PDE4D: variants seen among roughly 807,000 people sequenced by gnomAD.
The protein encoded by PDE4D is 3',5'-cyclic-AMP phosphodiesterase 4D.
Under a neutral mutation model 87.4 loss-of-function variants are expected in PDE4D, and 24 were observed. The observed-to-expected ratio is 0.27, with a 90% CI of 0.20 to 0.39. The LOEUF (loss-of-function observed/expected upper bound fraction) is 0.39. Ranked by LOEUF, PDE4D falls within the 10% of genes least tolerant of loss-of-function variation. The pLI is 1.00. For synonymous variants in PDE4D, 384 were observed against 383.2 expected (o/e 1.00, Z -0.02); for missense variants, 714 against 1,041.0 (o/e 0.69, Z 4.32).
chr5:59,808,886 A>G (rs1289961922), intron 1 of PDE4D, among the ~76,000 whole-genome samples: 2 of 152,020 alleles, frequency 1.3e-5, no homozygotes, highest in African/African-American at 4.8e-5. Context: ...GCTAGCACCA[A>G]CACTACTGTC....
At chr5:59,821,724 G>T (rs1486062333) in intron 1 of PDE4D, among the ~76,000 whole-genome samples, 1 of 152,108 alleles carries the variant, frequency 6.6e-6, no homozygotes, top group African/African-American at 2.4e-5. Context: ...GTTAGCAATT[G>T]GCTCTAGAGG....
chr5:60,338,016 T>A (rs778337511), intron 1 of PDE4D, among the ~76,000 whole-genome samples: 3 of 152,140 alleles, frequency 2.0e-5, no homozygotes, highest in Non-Finnish European at 4.4e-5. Flanking sequence ...CAGTAAAGTC[T>A]CTTCAATAAC....
chr5:60,015,622 T>G (rs936142249), intron 2 of PDE4D, among the ~76,000 whole-genome samples: 3 of 152,202 alleles, frequency 2.0e-5, no homozygotes, highest in Non-Finnish European at 4.4e-5. Context: ...CATATCTATA[T>G]TGCCGTGAAA....
At chr5:60,317,742 T>C (rs1238643262) in intron 1 of PDE4D, among the ~76,000 whole-genome samples, 1 of 152,238 alleles carries the variant, frequency 6.6e-6, no homozygotes, top group South Asian at 2.1e-4. Flanking sequence ...CATTTCATTA[T>C]GTACCCATTA....
chr5:59,856,696 A>AGAC (rs1745492693), intron 1 of PDE4D, among the ~76,000 whole-genome samples: 1 of 152,190 alleles, frequency 6.6e-6, no homozygotes, highest in Non-Finnish European at 1.5e-5. Flanking sequence ...AACTGAAGTA[A>AGAC]ATCATGGGGA....
intron 3 of PDE4D, among the ~76,000 whole-genome samples, chr5:59,984,658 C>T (rs574390867): frequency 3.9e-5 from 6 of 152,256 alleles, no homozygotes; most frequent in African/African-American, 1.2e-4. Context: ...GACCCAAGTA[C>T]TTCATGAGGA....
Position 59,934,000 on chromosome 5 carries a change from T to C in PDE4D, c.272+54488A>G, listed in dbSNP as rs115501534. Reference sequence around the variant, plus strand: ...GGTTTTCTTTTTCTTTTTATTTTTTTTGAGACAGAGTCTCAATCTATCCTC... The same window carrying C: ...GGTTTTCTTTTTCTTTTTATTTTTTCTGAGACAGAGTCTCAATCTATCCTC... On this transcript the variant is annotated intron_variant, in intron 3 of 16. Coordinates refer to the PDE4D transcript ENST00000502484. Among the ~76,000 whole-genome samples, 806 of 152,238 alleles carry C rather than the reference T, an allele frequency of 5.3e-3. 9 individuals are homozygous for C. The highest frequency in any genetic ancestry group is 0.019 in the African/African-American group (769 of 41,532).
rs113433046 is a variant in PDE4D at position 59,524,311 on chromosome 5, G to A, written c.456-308343C>T. ...TTGACCAAAATGCTTATAGTGATAC[G>A]AACAATGACGTCCAGGCTGAGTTGG... is the stretch of plus-strand genomic sequence containing the variant. On this transcript the variant is annotated intron_variant, in intron 1 of 14. Transcript: ENST00000340635. 1.9e-3 allele frequency among the ~76,000 whole-genome samples: 288 copies of A among 152,300 alleles called. 3 individuals carry two copies. The highest frequency in any genetic ancestry group is 6.5e-3 in the African/African-American group (271 of 41,568).
intron 1 of PDE4D, chr5:59,560,698 C>T (rs1819829074): frequency 6.6e-6 from 1 of 152,274 alleles, no homozygotes; most frequent in Non-Finnish European, 1.5e-5. Flanking sequence ...TGAGCATAGT[C>T]AGGGAAGGGT....
chr5:59,705,952 C>T (rs1193892917), intron 1 of PDE4D, among the ~76,000 whole-genome samples: 1 of 152,058 alleles, frequency 6.6e-6, no homozygotes, highest in Non-Finnish European at 1.5e-5. Flanking sequence ...GGGGAAAGTA[C>T]AAAATGAAGA....
At chr5:58,981,969 C>A (rs979097908) in intron 11 of PDE4D, among the ~76,000 whole-genome samples, 2 of 152,142 alleles carry the variant, frequency 1.3e-5, no homozygotes, top group African/African-American at 4.8e-5. Flanking sequence ...CTGTAATGCC[C>A]TTCTTGGATG....
intron 5 of PDE4D, chr5:59,039,463 A>T: frequency 1.0e-6 from 1 of 991,092 alleles, no homozygotes; most frequent in Non-Finnish European, 1.2e-6. Context: ...AGCCTTCTGC[A>T]CGGCACTTGA....
At chr5:59,742,219 A>ATGCC (rs1758952709) in intron 1 of PDE4D, among the ~76,000 whole-genome samples, 1 of 152,082 alleles carries the variant, frequency 6.6e-6, no homozygotes, top group Non-Finnish European at 1.5e-5. Context: ...ATGCACTACC[A>ATGCC]TATTTGGTGA....
chr5:59,403,142 TAGACAGACAGACAGAC>T (rs58074813), intron 1 of PDE4D, among the ~76,000 whole-genome samples: 11 of 149,880 alleles, frequency 7.3e-5, no homozygotes, highest in Non-Finnish European at 7.4e-5. Context: ...GGTAGGTAGG[TAGACAGACAGACAGAC>T]AGACAGACAG....
At chr5:58,996,428 T>A (rs1749243464) in intron 6 of PDE4D, among the ~76,000 whole-genome samples, 1 of 152,240 alleles carries the variant, frequency 6.6e-6, no homozygotes, top group Non-Finnish European at 1.5e-5. Context: ...TTGTTCATGT[T>A]ATGAGCTAAA....
At chr5:59,227,250 A>G (rs767324534) in intron 1 of PDE4D, among the ~76,000 whole-genome samples, 26 of 152,210 alleles carry the variant, frequency 1.7e-4, no homozygotes, top group Non-Finnish European at 3.8e-4. Context: ...AAGATGGATT[A>G]AAGACCTAAA....
intron 1 of PDE4D, among the ~76,000 whole-genome samples, chr5:59,401,580 C>T (rs1319477963): frequency 6.6e-6 from 1 of 152,034 alleles, no homozygotes; most frequent in African/African-American, 2.4e-5. Flanking sequence ...GAGCTTTATA[C>T]TGGAATACCA....
intron 1 of PDE4D, among the ~76,000 whole-genome samples, chr5:60,421,221 G>T (rs1185149336): frequency 6.6e-6 from 1 of 152,252 alleles, no homozygotes; most frequent in Non-Finnish European, 1.5e-5. Context: ...AGAACGGACA[G>T]ACTGCCTCCT....
At chr5:59,724,135 T>A (rs980222382) in intron 1 of PDE4D, among the ~76,000 whole-genome samples, 1 of 152,088 alleles carries the variant, frequency 6.6e-6, no homozygotes, top group Admixed American at 6.6e-5. Context: ...CAGGTGTTGG[T>A]TGAGGTTCAC....
Sources: allele counts gnomAD v4.1 joint callset (sites outside exome capture counted in the v4.1 genomes callset), GRCh38; gene constraint gnomAD v4.1.1; transcripts MANE v1.5; gene names NCBI Gene and HGNC (gene_info 2026-07-23, HGNC 2026-07-21).